Variants in RNU5E-1 observed in about 807,000 individuals in gnomAD.
RNU5E-1 encodes the protein RNA, U5E small nuclear 1, also known as RNA, U5E small nuclear.
At chr1:11,908,231 T>A (rs541552093) in exon 1 of RNU5E-1, 1 of 149,240 alleles carries the variant, frequency 6.7e-6, no homozygotes, top group Admixed American at 6.7e-5. Context: ...AGTGTGAGTC[T>A]GAAACCAATT....
chr1:11,908,210 G>C (rs115464269), exon 1 of RNU5E-1: 5 of 152,228 alleles, frequency 3.3e-5, no homozygotes, highest in South Asian at 2.1e-4. Flanking sequence ...AGATTTCCGT[G>C]GAGAGAAACG....
exon 1 of RNU5E-1, chr1:11,908,186 T>C (rs1025621428): frequency 5.3e-5 from 8 of 152,204 alleles, no homozygotes; most frequent in Admixed American, 4.6e-4. Context: ...TATAAATCTT[T>C]CGCCTTTTAC....
At chr1:11,908,251 C>A (rs139529525) in exon 1 of RNU5E-1, 1 of 135,644 alleles carries the variant, frequency 7.4e-6, no homozygotes, top group Non-Finnish European at 1.7e-5. Context: ...TTTTTGAGGC[C>A]TTGCGTTTCT....
At chr1:11,908,229 T>G (rs182195160) in exon 1 of RNU5E-1, 6 of 150,924 alleles carry the variant, frequency 4.0e-5, no homozygotes, top group Non-Finnish European at 8.9e-5. Context: ...CGAGTGTGAG[T>G]CTGAAACCAA....
exon 1 of RNU5E-1, chr1:11,908,159 G>C (rs74761498): frequency 3.9e-5 from 6 of 152,170 alleles, no homozygotes; most frequent in Admixed American, 2.0e-4. Context: ...GTTATACTCT[G>C]GTTTCTCTTC....
exon 1 of RNU5E-1, chr1:11,908,270 C>G (rs528075943): frequency 2.0e-5 from 3 of 152,072 alleles, no homozygotes; most frequent in Non-Finnish European, 2.9e-5. Flanking sequence ...CTTAGCAGGG[C>G]TTATTTTAAG....
At chr1:11,908,201 G>C (rs186413843) in exon 1 of RNU5E-1, 2 of 152,174 alleles carry the variant, frequency 1.3e-5, no homozygotes, top group Non-Finnish European at 2.9e-5. Context: ...TTTTACTAAA[G>C]ATTTCCGTGG....
At chr1:11,908,263 A>T (rs193128723) in exon 1 of RNU5E-1, 1 of 151,844 alleles carries the variant, frequency 6.6e-6, no homozygotes, top group Non-Finnish European at 1.5e-5. Context: ...TGCGTTTCTT[A>T]GCAGGGCTTA....
At chr1:11,908,271 T>G (rs1375433185) in exon 1 of RNU5E-1, 16 of 152,204 alleles carry the variant, frequency 1.1e-4, no homozygotes, top group Non-Finnish European at 7.3e-5. Context: ...TTAGCAGGGC[T>G]TATTTTAAGT....
exon 1 of RNU5E-1, chr1:11,908,176 T>A (rs534810126): frequency 2.0e-5 from 3 of 152,188 alleles, no homozygotes; most frequent in African/African-American, 4.8e-5. Context: ...CTTCAAATCG[T>A]ATAAATCTTT....
At chr1:11,908,216 A>G (rs6684539) in exon 1 of RNU5E-1, 89,461 of 151,998 alleles carry the variant, frequency 0.59, 26,809 homozygotes, top group African/African-American at 0.67. Flanking sequence ...CCGTGGAGAG[A>G]AACGAGTGTG....
At chr1:11,908,164 C>A (rs188460461) in exon 1 of RNU5E-1, 1 of 152,114 alleles carries the variant, frequency 6.6e-6, no homozygotes, top group Non-Finnish European at 1.5e-5. Flanking sequence ...ACTCTGGTTT[C>A]TCTTCAAATC....
exon 1 of RNU5E-1, chr1:11,908,263 A>C (rs193128723): frequency 2.0e-5 from 3 of 151,844 alleles, no homozygotes; most frequent in African/African-American, 4.8e-5. Context: ...TGCGTTTCTT[A>C]GCAGGGCTTA....
chr1:11,908,224 G>T (rs115168886), exon 1 of RNU5E-1: 1 of 151,692 alleles, frequency 6.6e-6, no homozygotes, highest in Non-Finnish European at 1.5e-5. Flanking sequence ...AGAAACGAGT[G>T]TGAGTCTGAA....
At chr1:11,908,219 C>G (rs549034717) in exon 1 of RNU5E-1, 49 of 152,084 alleles carry the variant, frequency 3.2e-4, no homozygotes, top group Admixed American at 2.7e-3. Flanking sequence ...TGGAGAGAAA[C>G]GAGTGTGAGT....
chr1:11,908,202 A>AT (rs1645393481), exon 1 of RNU5E-1: 2 of 152,156 alleles, frequency 1.3e-5, no homozygotes, highest in Admixed American at 6.6e-5. Context: ...TTTACTAAAG[A>AT]TTTCCGTGGA....
exon 1 of RNU5E-1, chr1:11,908,242 T>C (rs1259314107): frequency 7.2e-6 from 1 of 139,398 alleles, no homozygotes; most frequent in Non-Finnish European, 1.6e-5. Flanking sequence ...GAAACCAATT[T>C]TTTGAGGCCT....
chr1:11,908,254 G>T (rs558700688), exon 1 of RNU5E-1: 29 of 135,656 alleles, frequency 2.1e-4, no homozygotes, highest in East Asian at 2.0e-3. Flanking sequence ...TTGAGGCCTT[G>T]CGTTTCTTAG....
chr1:11,908,224 G>GT (rs1352143083), exon 1 of RNU5E-1: 5 of 151,692 alleles, frequency 3.3e-5, no homozygotes, highest in African/African-American at 9.7e-5. Context: ...AGAAACGAGT[G>GT]TGAGTCTGAA....
Sources: gnomAD v4.1 joint callset for allele counts on GRCh38, gnomAD v4.1.1 for gene constraint, MANE v1.5 for transcripts, NCBI Gene and HGNC (gene_info 2026-07-23, HGNC 2026-07-21) for gene names.